The following PRRG3 variants were observed in gnomAD, a reference collection of about 807,000 sequenced individuals.
PRRG3 encodes the protein proline rich and Gla domain 3.
Under a neutral mutation model 15.8 loss-of-function variants are expected in PRRG3, and 21 were observed. That is an observed-to-expected ratio of 1.33 (90% CI 0.94 to 1.92). The LOEUF (loss-of-function observed/expected upper bound fraction) is 1.92, where lower values mean the gene tolerates loss of function less well. PRRG3 is among the 40% of genes most tolerant of loss of function. PRRG3 has a pLI of 0.00. For missense variants in PRRG3, 251 were observed against 200.2 expected (o/e 1.25, Z -1.53); for synonymous variants, 125 against 84.1 (o/e 1.49, Z -2.66).
chrX:151,696,774 G>T (rs980788364), intron 1 of PRRG3, among the ~76,000 whole-genome samples: 3 of 110,219 alleles, frequency 2.7e-5, no homozygotes, highest in Non-Finnish European at 5.7e-5. Context: ...AATGCAAGCA[G>T]AATTTTGAGA....
At position 151,705,863 on chromosome X, in the gene PRRG3, C is replaced by T. The variant is rs2014964350; in HGVS notation, c.*4830C>T. 1 of 112,930 alleles carries T rather than the reference C, an allele frequency of 8.9e-6. No individual in the cohort carries two copies. Among genetic ancestry groups the T allele is most frequent in the Non-Finnish European group, 1.9e-5 (1 of 53,575 alleles). 9.3% of individuals were successfully genotyped at this position (112,930 alleles called of 1,213,427 possible). On this transcript the variant is annotated 3_prime_UTR_variant, in exon 4 of 4. Coordinates refer to ENST00000674457, the MANE Select transcript of PRRG3 (RefSeq NM_001372163.1). ...TTATAATTGTTGAATTTGGCTGTTACATTTTGTCTCCTTCTTTACAAGAAA... is the reference window on the plus strand; with the variant it reads ...TTATAATTGTTGAATTTGGCTGTTATATTTTGTCTCCTTCTTTACAAGAAA...
chrX:151,697,097 TCCC>T lies in PRRG3; in HGVS notation c.-32+1554_-32+1556del, dbSNP rs1273960205. Among the ~76,000 whole-genome samples the T allele has an allele frequency of 8.4e-3, 650 of 77,797 alleles. 13 individuals carry two copies. Among genetic ancestry groups the T allele is most frequent in the African/African-American group, 0.032 (618 of 19,209 alleles). 67.6% of individuals were successfully genotyped at this position (77,797 alleles called of 115,157 possible). A position where few individuals can be genotyped will look rare whatever the true frequency, so the allele number is the denominator to read the frequency against. ...CCCTTCTCCTTCCTTCCTTCCTTCC[TCCC>T]TCCCTCCCTTCCTTCCTCCCTCCCT... On this transcript the variant is annotated intron_variant, in intron 1 of 3. Coordinates refer to ENST00000674457, the MANE Select transcript of PRRG3 (RefSeq NM_001372163.1).
intron 1 of PRRG3, among the ~76,000 whole-genome samples, chrX:151,697,172 C>G (rs188840433): frequency 3.0e-5 from 3 of 99,871 alleles, no homozygotes; most frequent in Non-Finnish European, 6.0e-5. Context: ...TTCTCTCTTT[C>G]TCTCTTTCTT....
Position 151,703,473 on chromosome X carries a change from G to GTC in PRRG3, c.*2441_*2442insCT, listed in dbSNP as rs1270209470. 1 of 110,870 alleles carries GTC rather than the reference G, an allele frequency of 9.0e-6. No homozygotes were observed. The highest frequency in any genetic ancestry group is 1.9e-5 in the Non-Finnish European group (1 of 52,906). 9.1% of individuals were successfully genotyped at this position (110,870 alleles called of 1,213,427 possible). On this transcript the variant is annotated 3_prime_UTR_variant, in exon 4 of 4. Coordinates refer to ENST00000674457, the MANE Select transcript of PRRG3 (RefSeq NM_001372163.1). ...TTTGGACTTCTATGTGTGTGTGTGTGTGTGTGTGTGTGTGTATCTATGTGT... is the reference window on the plus strand; with the variant it reads ...TTTGGACTTCTATGTGTGTGTGTGTGTCTGTGTGTGTGTGTGTATCTATGTGT...
intron 1 of PRRG3, among the ~76,000 whole-genome samples, chrX:151,695,965 C>T (rs1461208725): frequency 9.0e-6 from 1 of 111,142 alleles, no homozygotes; most frequent in Non-Finnish European, 1.9e-5. Flanking sequence ...CTGGTGGTCA[C>T]CAGGCTTCAT....
chrX:151,701,701 G>C lies in PRRG3; in HGVS notation c.*668G>C, dbSNP rs762737903. 1 of 112,415 alleles carries C rather than the reference G, an allele frequency of 8.9e-6. No individual in the cohort carries two copies. The highest frequency in any genetic ancestry group is 3.2e-5 in the African/African-American group (1 of 30,887). 9.3% of individuals were successfully genotyped at this position (112,415 alleles called of 1,213,427 possible). A position where few individuals can be genotyped will look rare whatever the true frequency, so the allele number is the denominator to read the frequency against. On this transcript the variant is annotated 3_prime_UTR_variant, in exon 4 of 4. Coordinates refer to ENST00000674457, the MANE Select transcript of PRRG3 (RefSeq NM_001372163.1). Reference sequence around the variant, plus strand: ...TCCCCACACTCCTGGAAGGAGGACAGGGTGTGTGAAGGATGAGGGCCAGAG... The same window carrying C: ...TCCCCACACTCCTGGAAGGAGGACACGGTGTGTGAAGGATGAGGGCCAGAG...
chrX:151,699,234 G>C (rs1047481482), intron 2 of PRRG3, among the ~76,000 whole-genome samples: 2 of 112,721 alleles, frequency 1.8e-5, no homozygotes, highest in Non-Finnish European at 3.8e-5. Flanking sequence ...TGGGTGCAGA[G>C]CTCAAGCTAT....
rs993505403 is a variant in PRRG3, at chrX:151,703,498, T to A, written c.*2465T>A. On this transcript the variant is annotated 3_prime_UTR_variant, in exon 4 of 4. Coordinates refer to ENST00000674457, the MANE Select transcript of PRRG3 (RefSeq NM_001372163.1). ...GTGTGTGTGTGTGTGTATCTATGTG[T>A]GCACGTTGCCTTTTCTCATTGCTTA... 1 of 109,754 alleles carries A rather than the reference T, an allele frequency of 9.1e-6. No individual in the cohort carries two copies. The highest frequency in any genetic ancestry group is 3.3e-5 in the African/African-American group (1 of 30,047). The allele number at this position is 109,754 out of a possible 1,213,427, so 9.0% of individuals were successfully genotyped here.
At chrX:151,694,948 G>C (rs910102173), upstream of PRRG3, among the ~76,000 whole-genome samples, 2 of 110,333 alleles carry the variant, frequency 1.8e-5, no homozygotes, top group African/African-American at 6.5e-5. Context: ...CCGGCGGCAC[G>C]GGCGGGGGCA....
chrX:151,701,252 G>T lies in PRRG3; in HGVS notation c.*219G>T, dbSNP rs929901729. ...GTCGAAGCCCCCGGGAAGAGCCAAAGGCCAAAGTGCCCAACTCTTTGGGAT... is the reference window on the plus strand; with the variant it reads ...GTCGAAGCCCCCGGGAAGAGCCAAATGCCAAAGTGCCCAACTCTTTGGGAT... On this transcript the variant is annotated 3_prime_UTR_variant, in exon 4 of 4. Coordinates refer to ENST00000674457, the MANE Select transcript of PRRG3 (RefSeq NM_001372163.1). 4.9e-5 allele frequency: 15 copies of T among 307,243 alleles called. No individual in the cohort carries two copies. The highest frequency in any genetic ancestry group is 8.7e-4 in the Middle Eastern group (1 of 1,154). The allele number at this position is 307,243 out of a possible 1,213,427, so 25.3% of individuals were successfully genotyped here. A position where few individuals can be genotyped will look rare whatever the true frequency, so the allele number is the denominator to read the frequency against.
In PRRG3 at chrX:151,700,164, C is replaced by G; in HGVS notation, c.168+8C>G. The G allele has an allele frequency of 8.3e-7, 1 of 1,211,891 alleles. No homozygotes were observed. Among genetic ancestry groups the G allele is most frequent in the East Asian group, 3.0e-5 (1 of 33,836 alleles). Reference sequence around the variant, plus strand: ...GAGAACAAAGAGAAAACGGCATGTACCACCCTGGGGCTGGTTCTGGGAGTA... The same window carrying G: ...GAGAACAAAGAGAAAACGGCATGTAGCACCCTGGGGCTGGTTCTGGGAGTA... On this transcript the variant is annotated splice_region_variant and intron_variant, in intron 3 of 3. Coordinates refer to ENST00000674457, the MANE Select transcript of PRRG3 (RefSeq NM_001372163.1).
chrX:151,703,406 T>TA lies in PRRG3; in HGVS notation c.*2373_*2374insA, dbSNP rs1403789844. The TA allele has an allele frequency of 2.7e-5, 3 of 112,048 alleles. No homozygotes were observed. The highest frequency in any genetic ancestry group is 9.4e-5 in the Admixed American group (1 of 10,586). The allele number at this position is 112,048 out of a possible 1,213,427, so 9.2% of individuals were successfully genotyped here. On this transcript the variant is annotated 3_prime_UTR_variant, in exon 4 of 4. Coordinates refer to ENST00000674457, the MANE Select transcript of PRRG3 (RefSeq NM_001372163.1). ...ACTCTGTGTTTGTATGGAGGTGGAT[T>TA]TGATACAATGCTGACTCTTTCGTGG... is the stretch of plus-strand genomic sequence containing the variant.
At position 151,702,675 on chromosome X, in the gene PRRG3, GAGTCAAT is replaced by G. The variant is rs2014905489; in HGVS notation, c.*1643_*1649del. 1 of 112,500 alleles carries G rather than the reference GAGTCAAT, an allele frequency of 8.9e-6. No individual in the cohort carries two copies. The highest frequency in any genetic ancestry group is 1.9e-5 in the Non-Finnish European group (1 of 53,307). The allele number at this position is 112,500 out of a possible 1,213,427, so 9.3% of individuals were successfully genotyped here. On this transcript the variant is annotated 3_prime_UTR_variant, in exon 4 of 4. Coordinates refer to ENST00000674457, the MANE Select transcript of PRRG3 (RefSeq NM_001372163.1). Reference sequence around the variant, plus strand: ...CTCTGATGTTGAGTCTCCACTTGGAGAGTCAATCTCCCGTCAGTTGACCCTTTCCATC... The same window carrying G: ...CTCTGATGTTGAGTCTCCACTTGGAGCTCCCGTCAGTTGACCCTTTCCATC...
chrX:151,699,227 G>T (rs1274446672), intron 2 of PRRG3, among the ~76,000 whole-genome samples: 3 of 112,776 alleles, frequency 2.7e-5, no homozygotes, highest in Non-Finnish European at 3.8e-5. Context: ...GCTTATGTGG[G>T]TGCAGAGCTC....
chrX:151,696,983 CTCTTTCTCTCTT>C lies in PRRG3; in HGVS notation c.-32+1459_-32+1470del, dbSNP rs201662000. Among the ~76,000 whole-genome samples the C allele has an allele frequency of 4.4e-3, 483 of 110,028 alleles. 6 individuals carry two copies. Among genetic ancestry groups the C allele is most frequent in the African/African-American group, 0.015 (445 of 30,264 alleles). The stretch of plus-strand genomic sequence containing the variant: ...TTTAATTTTCTTTTCTTTCTTTTCT[CTCTTTCTCTCTT>C]TCTTTCTCTCTTTCTTTCTTTCTTC... On this transcript the variant is annotated intron_variant, in intron 1 of 3. Coordinates refer to ENST00000674457, the MANE Select transcript of PRRG3 (RefSeq NM_001372163.1).
In PRRG3 at chrX:151,703,912, TTGTGTGTGTGTGTGTGTG is replaced by T. The variant is rs55716425; in HGVS notation, c.*2903_*2920del. ...TTTTTTTTTTTTTTTTTTTTTTTTT[TTGTGTGTGTGTGTGTGTG>T]TGTGTGTGTGTGTGTGTGTGTGTAT... On this transcript the variant is annotated 3_prime_UTR_variant, in exon 4 of 4. Coordinates refer to ENST00000674457, the MANE Select transcript of PRRG3 (RefSeq NM_001372163.1). The T allele has an allele frequency of 3.1e-4, 6 of 19,196 alleles. No individual in the cohort carries two copies. The highest frequency in any genetic ancestry group is 1.1e-3 in the African/African-American group (6 of 5,340). The allele number at this position is 19,196 out of a possible 1,213,427, so 1.6% of individuals were successfully genotyped here.
Position 151,701,656 on chromosome X carries a change from T to C in PRRG3, c.*623T>C. On this transcript the variant is annotated 3_prime_UTR_variant, in exon 4 of 4. Coordinates refer to ENST00000674457, the MANE Select transcript of PRRG3 (RefSeq NM_001372163.1). ...AAATTTATCACATGGATCTGTGATG[T>C]CCGCCTCCCCTAAAACCTGTCCCCA... 8.9e-6 allele frequency: 1 copy of C among 112,725 alleles called. No homozygotes were observed. Among genetic ancestry groups the C allele is most frequent in the East Asian group, 2.8e-4 (1 of 3,563 alleles). The allele number at this position is 112,725 out of a possible 1,213,427, so 9.3% of individuals were successfully genotyped here. A position where few individuals can be genotyped will look rare whatever the true frequency, so the allele number is the denominator to read the frequency against.
At chrX:151,698,927 G>A in intron 2 of PRRG3, 106 bp downstream of exon 2, 1 of 748,452 alleles carries the variant, frequency 1.3e-6, no homozygotes, top group Non-Finnish European at 2.0e-6. Flanking sequence ...CCCCCAAGTG[G>A]GCCTGTAGCC....
chrX:151,705,523 C>A lies in PRRG3; in HGVS notation c.*4490C>A. 1 of 279,460 alleles carries A rather than the reference C, an allele frequency of 3.6e-6. No individual in the cohort carries two copies. Among genetic ancestry groups the A allele is most frequent in the Non-Finnish European group, 7.2e-6 (1 of 139,506 alleles). 23.0% of individuals were successfully genotyped at this position (279,460 alleles called of 1,213,427 possible). A position where few individuals can be genotyped will look rare whatever the true frequency, so the allele number is the denominator to read the frequency against. On this transcript the variant is annotated 3_prime_UTR_variant, in exon 4 of 4. Transcript: ENST00000674457. ...TTAACACAGATCTTCAGGATTGGGA[C>A]AAATCCCCCAGCTGCTTTTGCCTCT... is the stretch of plus-strand genomic sequence containing the variant.
Sources: allele counts gnomAD v4.1 joint callset (sites outside exome capture counted in the v4.1 genomes callset), GRCh38; gene constraint gnomAD v4.1.1; transcripts MANE v1.5; gene names NCBI Gene and HGNC (gene_info 2026-07-23, HGNC 2026-07-21).